Variants in CHD9 observed in about 807,000 individuals in gnomAD.
The protein encoded by CHD9 is ATP-dependent chromatin remodeler CHD9.
In CHD9, 77 loss-of-function variants were observed where a neutral mutation model predicts 316.1. That is an observed-to-expected ratio of 0.24 (90% confidence interval 0.20 to 0.29). CHD9 has a LOEUF of 0.29. Among genes scored for constraint, CHD9 ranks in the 10% least tolerant of loss-of-function variants. CHD9 has a pLI of 1.00. For synonymous variants in CHD9, 1,129 were observed against 1,158.3 expected, an observed-to-expected ratio of 0.97 and a Z score of 0.51; for missense variants, 2,763 against 3,438.1, an observed-to-expected ratio of 0.80 and a Z score of 4.91.
chr16:53,140,641 C>T (rs1403966011), intron 1 of CHD9, among the ~76,000 whole-genome samples: 1 of 152,158 alleles, frequency 6.6e-6, no homozygotes, highest in Non-Finnish European at 1.5e-5. Context: ...TGCTGGAGTG[C>T]AGTAGCATCG....
chr16:53,220,885 C>T (rs566078791), intron 3 of CHD9, among the ~76,000 whole-genome samples: 5 of 152,288 alleles, frequency 3.3e-5, no homozygotes, highest in East Asian at 1.9e-4. Flanking sequence ...TGTACTCTGC[C>T]GCTTCTTTCA....
At chr16:53,056,464 A>G (rs573410639) in intron 1 of CHD9, among the ~76,000 whole-genome samples, 22 of 152,238 alleles carry the variant, frequency 1.4e-4, no homozygotes, top group Non-Finnish European at 2.9e-4. Context: ...TGAATACTGC[A>G]TTTGATAGCC....
intron 2 of CHD9, among the ~76,000 whole-genome samples, chr16:53,185,829 G>A (rs1373049914): frequency 6.6e-6 from 1 of 152,206 alleles, no homozygotes; most frequent in Non-Finnish European, 1.5e-5. Context: ...CCCAAACCTT[G>A]GCAGCTTTCA....
In CHD9 at chr16:53,152,791, T is replaced by A. The variant is rs139981512; in HGVS notation, c.-164-3135T>A. Among the ~76,000 whole-genome samples the A allele has an allele frequency of 2.8e-3, 420 of 152,260 alleles. 2 individuals carry two copies. The highest frequency in any genetic ancestry group is 9.8e-3 in the African/African-American group (407 of 41,550). On this transcript the variant is annotated intron_variant, in intron 1 of 38. Coordinates refer to ENST00000447540, the MANE Select transcript of CHD9 (RefSeq NM_001308319.2). The stretch of plus-strand genomic sequence containing the variant: ...AAGGTAGTGATATATAATTAATAGA[T>A]GTAAGTTAGGGAATTGCCAATATAG...
At chr16:53,233,916 A>T (rs1431266416) in intron 10 of CHD9, among the ~76,000 whole-genome samples, 1 of 152,168 alleles carries the variant, frequency 6.6e-6, no homozygotes, top group Non-Finnish European at 1.5e-5. Flanking sequence ...TGTTTCTCAG[A>T]AACTTATTTC....
Position 53,086,715 on chromosome 16 carries a change from T to C in CHD9, c.-165+31638T>C, listed in dbSNP as rs115051011. ...TATTCATTATCCTTTTAAAAATTACTAACAAAAATTTCAAATAAATGCTCA... is the reference window on the plus strand; with the variant it reads ...TATTCATTATCCTTTTAAAAATTACCAACAAAAATTTCAAATAAATGCTCA... On this transcript the variant is annotated intron_variant, in intron 1 of 38. Transcript: ENST00000447540. 6.3e-3 allele frequency among the ~76,000 whole-genome samples: 962 copies of C among 152,340 alleles called. 13 individuals carry two copies. The highest frequency in any genetic ancestry group is 0.022 in the African/African-American group (907 of 41,578).
At chr16:53,139,419 A>G (rs2039944438) in intron 1 of CHD9, among the ~76,000 whole-genome samples, 1 of 152,218 alleles carries the variant, frequency 6.6e-6, no homozygotes, top group Admixed American at 6.5e-5. Flanking sequence ...ATATGCAAAA[A>G]ATGTTAATTT....
intron 24 of CHD9, among the ~76,000 whole-genome samples, chr16:53,284,583 G>C (rs1250078248): frequency 6.6e-6 from 1 of 152,064 alleles, no homozygotes; most frequent in Non-Finnish European, 1.5e-5. Context: ...ATAATTTCAA[G>C]TGACGAGCAA....
rs752241627 is a variant in CHD9, at chr16:53,303,982, C to G, written c.5976C>G (p.Leu1992=). The change falls in exon 31 of 39, where the codon CTC becomes CTG. Residue 1992 remains leucine, a synonymous_variant. Coordinates refer to ENST00000447540, the MANE Select transcript of CHD9 (RefSeq NM_001308319.2). ...TDYHILRDPE[L]SFMAAQRNYS... Reference sequence around the variant, plus strand: ...ATCACATTCTTCGTGATCCTGAACTCTCATTTATGGCAGCTCAGAGGAACT... The same window carrying G: ...ATCACATTCTTCGTGATCCTGAACTGTCATTTATGGCAGCTCAGAGGAACT... 1.6e-5 allele frequency: 26 copies of G among 1,613,878 alleles called. No individual in the cohort carries two copies. Among genetic ancestry groups the G allele is most frequent in the Non-Finnish European group, 1.9e-5 (23 of 1,179,898 alleles).
At chr16:53,199,937 T>C (rs2045295788) in intron 2 of CHD9, among the ~76,000 whole-genome samples, 1 of 152,056 alleles carries the variant, frequency 6.6e-6, no homozygotes, top group Admixed American at 6.6e-5. Flanking sequence ...TTATAAACCA[T>C]AGAAAGAAAG....
At chr16:53,155,605 A>G (rs1035133460) in intron 1 of CHD9, among the ~76,000 whole-genome samples, 1 of 152,174 alleles carries the variant, frequency 6.6e-6, no homozygotes, top group Admixed American at 6.6e-5. Flanking sequence ...GCATACTCAG[A>G]GTTGTTTATC....
At chr16:53,323,148 G>A (rs1379373951) in intron 38 of CHD9, among the ~76,000 whole-genome samples, 1 of 151,840 alleles carries the variant, frequency 6.6e-6, no homozygotes, top group East Asian at 1.9e-4. Flanking sequence ...AATACACAGT[G>A]GTTTTGGATT....
At chr16:53,253,124 A>G (rs775634010) in intron 17 of CHD9, among the ~76,000 whole-genome samples, 3 of 152,200 alleles carry the variant, frequency 2.0e-5, no homozygotes, top group Non-Finnish European at 4.4e-5. Context: ...CACAATTCAC[A>G]ATAGCAAAAT....
chr16:53,146,082 A>G (rs1438968497), intron 1 of CHD9, among the ~76,000 whole-genome samples: 1 of 151,476 alleles, frequency 6.6e-6, no homozygotes, highest in Admixed American at 6.6e-5. Context: ...ATGGTGGGTA[A>G]TGGGTATGGA....
At chr16:53,098,811 T>C (rs895855746) in intron 1 of CHD9, among the ~76,000 whole-genome samples, 25 of 152,354 alleles carry the variant, frequency 1.6e-4, no homozygotes, top group African/African-American at 5.3e-4. Context: ...AACCCCTGGC[T>C]GTTATTCTTA....
intron 2 of CHD9, among the ~76,000 whole-genome samples, chr16:53,171,787 G>A (rs575484671): frequency 6.6e-6 from 1 of 151,248 alleles, no homozygotes; most frequent in Admixed American, 6.6e-5. Flanking sequence ...GGAGACAGGG[G>A]TTGCAGGTGA....
chr16:53,071,385 A>T (rs1372647803), intron 1 of CHD9, among the ~76,000 whole-genome samples: 1 of 152,154 alleles, frequency 6.6e-6, no homozygotes, highest in Non-Finnish European at 1.5e-5. Flanking sequence ...TGACAGTGTT[A>T]TATAGAGTCA....
chr16:53,238,248 A>G (rs1444513994), intron 11 of CHD9, 95 bp from the exon 12 acceptor site: 1 of 1,149,796 alleles, frequency 8.7e-7, no homozygotes, highest in Non-Finnish European at 1.2e-6. Flanking sequence ...AAATGCAACT[A>G]TTTTATTTGA....
At chr16:53,256,427 A>G (rs985342887) in intron 19 of CHD9, among the ~76,000 whole-genome samples, 1 of 127,578 alleles carries the variant, frequency 7.8e-6, no homozygotes, top group African/African-American at 3.1e-5. Flanking sequence ...ACTCCGTCAC[A>G]CAGGCTGGAG....
Sources: allele counts gnomAD v4.1 joint callset (sites outside exome capture counted in the v4.1 genomes callset), GRCh38; gene constraint gnomAD v4.1.1; transcripts MANE v1.5; gene names NCBI Gene and HGNC (gene_info 2026-07-23, HGNC 2026-07-21).